The following NCK2 variants were observed in gnomAD, a reference collection of about 807,000 sequenced individuals.
The protein encoded by NCK2 is cytoplasmic protein NCK2.
A neutral mutation model predicts 33.9 loss-of-function variants in NCK2; 16 were observed. That is an observed-to-expected ratio of 0.47 (90% CI 0.32 to 0.72). The LOEUF is 0.72. Among genes scored for constraint, NCK2 ranks in the 30% least tolerant of loss-of-function variants. NCK2 has a pLI of 0.03. For synonymous variants in NCK2, 273 were observed against 239.9 expected, an observed-to-expected ratio of 1.14 and a Z score of -1.27; for missense variants, 418 against 537.3, an observed-to-expected ratio of 0.78 and a Z score of 2.19.
chr2:105,770,959 G>A (rs1205663136), intron 1 of NCK2, among the ~76,000 whole-genome samples: 5 of 152,062 alleles, frequency 3.3e-5, no homozygotes, highest in Non-Finnish European at 7.3e-5. Flanking sequence ...GTCTCGCTCT[G>A]TCGCCCAGGC....
intron 3 of NCK2, among the ~76,000 whole-genome samples, chr2:105,873,928 AGGGTCCCGGGAGTGCCC>A (rs1333550542): frequency 1.3e-5 from 2 of 152,186 alleles, no homozygotes; most frequent in Admixed American, 6.5e-5. Flanking sequence ...GACTGTAGCA[AGGGTCCCGGGAGTGCCC>A]TGACCACACA....
intron 1 of NCK2, among the ~76,000 whole-genome samples, chr2:105,771,696 CAAAT>C (rs972920293): frequency 5.3e-5 from 8 of 152,172 alleles, no homozygotes; most frequent in African/African-American, 1.9e-4. Flanking sequence ...TGATGTTTCT[CAAAT>C]AGAGGCTACT....
At chr2:105,823,299 G>A (rs540331916) in intron 2 of NCK2, among the ~76,000 whole-genome samples, 6 of 151,918 alleles carry the variant, frequency 3.9e-5, no homozygotes, top group East Asian at 3.9e-4. Context: ...AAGGGAACAC[G>A]TGGAACTGCA....
chr2:105,841,656 T>G (rs1314265754), intron 2 of NCK2, among the ~76,000 whole-genome samples: 1 of 152,190 alleles, frequency 6.6e-6, no homozygotes, highest in Non-Finnish European at 1.5e-5. Context: ...GTCCCAACCC[T>G]CTAATCCTGC....
intron 4 of NCK2, among the ~76,000 whole-genome samples, chr2:105,890,847 C>T (rs980908873): frequency 1.3e-5 from 2 of 152,216 alleles, no homozygotes; most frequent in Non-Finnish European, 2.9e-5. Flanking sequence ...CTTTTGTGAA[C>T]TCTGTAATAG....
At chr2:105,760,506 G>A (rs1986014) in intron 1 of NCK2, among the ~76,000 whole-genome samples, 36,318 of 152,042 alleles carry the variant, frequency 0.24, 4,850 homozygotes, top group Middle Eastern at 0.35. Context: ...CATCCTTGCC[G>A]TTCACACCTC....
chr2:105,860,425 G>A (rs1335356741), intron 3 of NCK2, among the ~76,000 whole-genome samples: 1 of 152,318 alleles, frequency 6.6e-6, no homozygotes, highest in South Asian at 2.1e-4. Flanking sequence ...CAGAGCCCCT[G>A]CTCTGGTGTA....
chr2:105,849,991 A>T (rs1478951311), intron 2 of NCK2, among the ~76,000 whole-genome samples: 1 of 152,172 alleles, frequency 6.6e-6, no homozygotes, highest in Non-Finnish European at 1.5e-5. Context: ...AGGTGGCAGT[A>T]AGGCCCACAC....
chr2:105,852,351 C>G (rs1407220458), intron 2 of NCK2, among the ~76,000 whole-genome samples: 1 of 152,132 alleles, frequency 6.6e-6, no homozygotes, highest in African/African-American at 2.4e-5. Flanking sequence ...TGTTTTGTGG[C>G]TCGGTTCTCT....
intron 1 of NCK2, among the ~76,000 whole-genome samples, chr2:105,797,447 A>G (rs980446632): frequency 1.3e-5 from 2 of 152,178 alleles, no homozygotes; most frequent in African/African-American, 4.8e-5. Flanking sequence ...TCTAAGGGGG[A>G]AAAAACCAGT....
chr2:105,782,249 A>G (rs1690524300), intron 1 of NCK2, among the ~76,000 whole-genome samples: 1 of 152,196 alleles, frequency 6.6e-6, no homozygotes, highest in Non-Finnish European at 1.5e-5. Context: ...CCAGGGACTC[A>G]GGGTGGCCCT....
At chr2:105,797,369 C>T (rs1489467362) in intron 1 of NCK2, among the ~76,000 whole-genome samples, 2 of 152,056 alleles carry the variant, frequency 1.3e-5, no homozygotes, top group East Asian at 1.9e-4. Context: ...GTTCTAGGAC[C>T]GGAAGAGACT....
intron 1 of NCK2, among the ~76,000 whole-genome samples, chr2:105,810,233 A>C (rs575869887): frequency 6.6e-6 from 1 of 152,102 alleles, no homozygotes; most frequent in South Asian, 2.1e-4. Context: ...CCCCGATTCT[A>C]CTCCCTAAAA....
intron 2 of NCK2, among the ~76,000 whole-genome samples, chr2:105,845,525 C>T (rs980964469): frequency 6.6e-6 from 1 of 151,808 alleles, no homozygotes; most frequent in African/African-American, 2.4e-5. Flanking sequence ...TCCTGAGTAG[C>T]TGAAATTACA....
At chr2:105,875,394 ATGGAATCC>A (rs1678192978) in intron 3 of NCK2, among the ~76,000 whole-genome samples, 1 of 152,194 alleles carries the variant, frequency 6.6e-6, no homozygotes, top group South Asian at 2.1e-4. Flanking sequence ...CTGTACACAC[ATGGAATCC>A]TGGGACTCAT....
intron 1 of NCK2, among the ~76,000 whole-genome samples, chr2:105,768,945 G>T (rs1186157692): frequency 6.6e-6 from 1 of 152,164 alleles, no homozygotes; most frequent in Non-Finnish European, 1.5e-5. Context: ...AAGAGTTTTT[G>T]CAGCCCAGTC....
At chr2:105,770,408 G>T (rs1367404) in intron 1 of NCK2, among the ~76,000 whole-genome samples, 71,883 of 152,008 alleles carry the variant, frequency 0.47, 18,036 homozygotes, top group African/African-American at 0.64. Flanking sequence ...TTGAGAGGTA[G>T]ATTTATGTGT....
intron 1 of NCK2, among the ~76,000 whole-genome samples, chr2:105,806,533 C>T (rs571124336): frequency 1.6e-4 from 25 of 152,326 alleles, no homozygotes; most frequent in Middle Eastern, 3.4e-3. Context: ...CCACCACTCC[C>T]GGCCACATAT....
chr2:105,823,134 G>C lies in NCK2; in HGVS notation c.-17+6521G>C, dbSNP rs1187355129. Among the ~76,000 whole-genome samples, 7 of 16,138 alleles carry C rather than the reference G, an allele frequency of 4.3e-4. 1 individual carries two copies. Among genetic ancestry groups the C allele is most frequent in the Admixed American group, 2.5e-3 (4 of 1,574 alleles). 10.6% of individuals were successfully genotyped at this position (16,138 alleles called of 152,430 possible). On this transcript the variant is annotated intron_variant, in intron 2 of 4. Transcript: ENST00000233154. ...GAAAAACAAAAAGTCCTCTCATGCT[G>C]TGTGTGTGTGTGTGTGTGTGTGTGT...
Sources: allele counts gnomAD v4.1 joint callset (sites outside exome capture counted in the v4.1 genomes callset), GRCh38; gene constraint gnomAD v4.1.1; transcripts MANE v1.5; gene names NCBI Gene and HGNC (gene_info 2026-07-23, HGNC 2026-07-21).